SGMS2: variants seen among roughly 807,000 people sequenced by gnomAD.
SGMS2 encodes the protein sphingomyelin synthase 2.
SGMS2 carries 21 observed loss-of-function variants against 43.8 expected under a neutral mutation model. The observed-to-expected ratio is 0.48, with a 90% CI of 0.34 to 0.69. SGMS2 has a LOEUF of 0.69. SGMS2 is among the 30% of genes least tolerant of loss of function. SGMS2 has a pLI of 0.01. For missense variants in SGMS2, 384 were observed against 443.2 expected (o/e 0.87, Z 1.20); for synonymous variants, 167 against 160.6 (o/e 1.04, Z -0.30).
At chr4:107,903,452 T>G (rs1419111821) in intron 5 of SGMS2, 66 bp downstream of exon 5, 2 of 1,472,234 alleles carry the variant, frequency 1.4e-6, no homozygotes, top group Non-Finnish European at 1.9e-6. Flanking sequence ...GCCCTGAAAT[T>G]GATAGGAGCC....
intron 2 of SGMS2, among the ~76,000 whole-genome samples, chr4:107,889,558 C>A (rs900607494): frequency 2.0e-5 from 3 of 152,028 alleles, no homozygotes; most frequent in Admixed American, 1.3e-4. Context: ...TTAATTAGAG[C>A]TTTTTAATAT....
intron 1 of SGMS2, among the ~76,000 whole-genome samples, chr4:107,830,606 G>A (rs1220441934): frequency 6.6e-6 from 1 of 152,104 alleles, no homozygotes; most frequent in Non-Finnish European, 1.5e-5. Context: ...TTGTGGTTTT[G>A]ATTTGCATTT....
At chr4:107,854,704 G>C (rs1727321582) in intron 1 of SGMS2, among the ~76,000 whole-genome samples, 1 of 152,152 alleles carries the variant, frequency 6.6e-6, no homozygotes, top group South Asian at 2.1e-4. Flanking sequence ...GGAGATTTCT[G>C]GTGCAGTTGT....
At position 107,911,720 on chromosome 4, in the gene SGMS2, A is replaced by G. The variant is rs1396094117; in HGVS notation, c.*1167A>G. On this transcript the variant is annotated 3_prime_UTR_variant, in exon 7 of 7. Coordinates refer to ENST00000690982, the MANE Select transcript of SGMS2 (RefSeq NM_001375905.1). ...AAATAACATGGTGCTGCACTATAAT[A>G]TACTCTCGGAATCAGTGTGTTAGTT... 6.6e-6 allele frequency: 1 copy of G among 152,184 alleles called. No homozygotes were observed. The highest frequency in any genetic ancestry group is 2.4e-5 in the African/African-American group (1 of 41,446). The allele number at this position is 152,184 out of a possible 1,614,324, so 9.4% of individuals were successfully genotyped here. A position where few individuals can be genotyped will look rare whatever the true frequency, so the allele number is the denominator to read the frequency against.
chr4:107,902,435 A>G (rs1371833111), intron 4 of SGMS2, among the ~76,000 whole-genome samples: 15 of 152,074 alleles, frequency 9.9e-5, no homozygotes, highest in Admixed American at 9.8e-4. Flanking sequence ...TCAATAATTC[A>G]GTATTCCAAT....
At chr4:107,863,546 T>C (rs540427293) in intron 2 of SGMS2, 3 of 152,320 alleles carry the variant, frequency 2.0e-5, no homozygotes, top group South Asian at 4.1e-4. Flanking sequence ...CATAACATCA[T>C]TTAAGAAAGC....
chr4:107,852,584 G>C (rs1350791831), intron 1 of SGMS2, among the ~76,000 whole-genome samples: 9 of 149,052 alleles, frequency 6.0e-5, no homozygotes, highest in Admixed American at 5.9e-4. Context: ...TGTAGAAACA[G>C]GAGAAATAGG....
rs373944189 is a variant in SGMS2, at chr4:107,914,101, T to G, written c.*3548T>G. 1.3e-5 allele frequency: 2 copies of G among 152,180 alleles called. No homozygotes were observed. The highest frequency in any genetic ancestry group is 3.9e-4 in the East Asian group (2 of 5,184). 9.4% of individuals were successfully genotyped at this position (152,180 alleles called of 1,614,324 possible). On this transcript the variant is annotated 3_prime_UTR_variant, in exon 7 of 7. Transcript: ENST00000690982. ...ATATATAAAGATTTTTAGTATTTGT[T>G]TTTAGTGTCCTTGTGTTGCAATAAT... is the stretch of plus-strand genomic sequence containing the variant.
intron 1 of SGMS2, among the ~76,000 whole-genome samples, chr4:107,851,864 G>T (rs1312221980): frequency 6.6e-6 from 1 of 151,922 alleles, no homozygotes; most frequent in Non-Finnish European, 1.5e-5. Flanking sequence ...ATATAATTAG[G>T]CTATATTTAA....
At chr4:107,907,779 T>G (rs1053309871) in intron 5 of SGMS2, among the ~76,000 whole-genome samples, 1 of 152,210 alleles carries the variant, frequency 6.6e-6, no homozygotes, top group Non-Finnish European at 1.5e-5. Flanking sequence ...AGCTTTAAAA[T>G]AAAACAGATC....
chr4:107,847,527 T>C (rs1029585679), intron 1 of SGMS2, among the ~76,000 whole-genome samples: 16 of 151,966 alleles, frequency 1.1e-4, no homozygotes, highest in African/African-American at 3.4e-4. Flanking sequence ...CCTTGTAGTA[T>C]AGTTTGAAGT....
chr4:107,825,486 C>G (rs1725529742), intron 1 of SGMS2, among the ~76,000 whole-genome samples: 1 of 152,152 alleles, frequency 6.6e-6, no homozygotes, highest in Non-Finnish European at 1.5e-5. Flanking sequence ...TCGGGTACCC[C>G]GGTCCTGGCG....
intron 2 of SGMS2, chr4:107,867,307 C>T (rs190230836): frequency 3.9e-4 from 60 of 152,212 alleles, no homozygotes; most frequent in African/African-American, 1.3e-3. Context: ...GAGGAGTTAC[C>T]GACCCAGCCT....
intron 1 of SGMS2, among the ~76,000 whole-genome samples, chr4:107,850,859 G>T (rs553810285): frequency 6.6e-6 from 1 of 152,118 alleles, no homozygotes; most frequent in Non-Finnish European, 1.5e-5. Context: ...ACTTCTGGGG[G>T]CTTTGCTTTA....
At chr4:107,901,838 A>C (rs994968207) in intron 4 of SGMS2, among the ~76,000 whole-genome samples, 1 of 152,082 alleles carries the variant, frequency 6.6e-6, no homozygotes, top group African/African-American at 2.4e-5. Context: ...CCCTTCCCTG[A>C]GAAAGCTTTC....
At chr4:107,879,146 C>T (rs1729149416) in intron 2 of SGMS2, among the ~76,000 whole-genome samples, 1 of 144,360 alleles carries the variant, frequency 6.9e-6, no homozygotes, top group African/African-American at 2.6e-5. Context: ...GACCGATTTT[C>T]CCCCTTTTAA....
At chr4:107,865,103 C>T (rs1168263408) in intron 2 of SGMS2, among the ~76,000 whole-genome samples, 3 of 152,128 alleles carry the variant, frequency 2.0e-5, no homozygotes, top group Admixed American at 6.5e-5. Context: ...AAATAAGCTT[C>T]GATAGAATTC....
chr4:107,831,475 G>A (rs1234116921), intron 1 of SGMS2, among the ~76,000 whole-genome samples: 2 of 152,118 alleles, frequency 1.3e-5, no homozygotes, highest in Non-Finnish European at 2.9e-5. Context: ...ACCCCATAAG[G>A]TGACTATACG....
rs184924248 is a variant in SGMS2, at chr4:107,892,465, C to A, written c.-244-2845C>A. On this transcript the variant is annotated intron_variant, in intron 2 of 6. Transcript: ENST00000690982. The stretch of plus-strand genomic sequence containing the variant: ...CCCTCTGTGGTTACCAAAATGTGAA[C>A]CCTGAAAATCTGAGACAGGTCTCAG... Among the ~76,000 whole-genome samples, 88 of 152,164 alleles carry A rather than the reference C, an allele frequency of 5.8e-4. 1 individual carries two copies. Among genetic ancestry groups the A allele is most frequent in the African/African-American group, 2.0e-3 (84 of 41,512 alleles).
Sources: allele counts gnomAD v4.1 joint callset (sites outside exome capture counted in the v4.1 genomes callset), GRCh38; gene constraint gnomAD v4.1.1; transcripts MANE v1.5; gene names NCBI Gene and HGNC (gene_info 2026-07-23, HGNC 2026-07-21).